Variants in C1QTNF9 observed in about 807,000 individuals in gnomAD.
C1QTNF9 encodes C1q and TNF related 9.
A neutral mutation model predicts 10.1 loss-of-function variants in C1QTNF9; 6 were observed. The ratio of observed to expected loss-of-function variants is 0.59; its 90% CI spans 0.32 to 1.17. The LOEUF (loss-of-function observed/expected upper bound fraction) is 1.17. C1QTNF9 is among the 50% of genes most tolerant of loss of function. The probability of loss-of-function intolerance (pLI) is 0.04; values close to 1 mark genes in which losing one functional copy is unlikely to be tolerated. For missense variants in C1QTNF9, 201 were observed against 418.8 expected, an observed-to-expected ratio of 0.48 and a Z score of 4.54; for synonymous variants, 98 against 163.5, an observed-to-expected ratio of 0.60 and a Z score of 3.06.
chr13:24,317,647 A>G (rs894057322), intron 2 of C1QTNF9, among the ~76,000 whole-genome samples: 10 of 152,144 alleles, frequency 6.6e-5, no homozygotes, highest in Non-Finnish European at 1.5e-4. Context: ...TATACCAAAC[A>G]TATTTTCCAT....
rs551302039 is a variant in C1QTNF9 at position 24,314,004 on chromosome 13, T to C, written c.-22-1978T>C. 4.8e-4 allele frequency among the ~76,000 whole-genome samples: 73 copies of C among 152,312 alleles called. 2 individuals carry two copies. In the South Asian group the frequency reaches 0.015, roughly 31 times the overall value. On this transcript the variant is annotated intron_variant, in intron 1 of 3. Transcript: ENST00000332018. ...ACCTTTCCCCTATTGTTACATAGTA[T>C]GTAGTATGCACGTTTTCACCTGTTA...
chr13:24,321,673 C>T, exon 4 of C1QTNF9: 2 of 1,614,074 alleles, frequency 1.2e-6, no homozygotes, highest in South Asian at 1.1e-5. Flanking sequence ...TGAGGTGTGG[C>T]TGCAGGTGAC....
At chr13:24,316,496 C>T (rs1050751938) in intron 2 of C1QTNF9, among the ~76,000 whole-genome samples, 1 of 152,206 alleles carries the variant, frequency 6.6e-6, no homozygotes, top group South Asian at 2.1e-4. Context: ...GTCATGGATC[C>T]TCCCATCTCA....
chr13:24,311,446 C>T (rs1374828668), intron 1 of C1QTNF9, among the ~76,000 whole-genome samples: 3 of 152,226 alleles, frequency 2.0e-5, no homozygotes, highest in Admixed American at 1.3e-4. Context: ...CAGCATTCTG[C>T]AGAATGATGG....
In C1QTNF9 at chr13:24,316,203, T is replaced by C; in HGVS notation, c.166+34T>C. On this transcript the variant is annotated intron_variant, in intron 2 of 3. Coordinates refer to ENST00000332018, the Ensembl canonical transcript of C1QTNF9. Reference sequence around the variant, plus strand: ...CTGACGGCTTCGGCTGCCTTTCAACTTCTCTCTTCATTCCTTTCATCTCAT... The same window carrying C: ...CTGACGGCTTCGGCTGCCTTTCAACCTCTCTCTTCATTCCTTTCATCTCAT... 5 of 1,508,476 alleles carry C rather than the reference T, an allele frequency of 3.3e-6. 1 individual carries two copies. The highest frequency in any genetic ancestry group is 4.6e-6 in the Non-Finnish European group (5 of 1,095,366). The allele number at this position is 1,508,476 out of a possible 1,614,324, so 93.4% of individuals were successfully genotyped here. A position where few individuals can be genotyped will look rare whatever the true frequency, so the allele number is the denominator to read the frequency against.
intron 1 of C1QTNF9, among the ~76,000 whole-genome samples, chr13:24,310,930 A>G (rs1877797134): frequency 6.8e-6 from 1 of 146,122 alleles, no homozygotes; most frequent in African/African-American, 2.4e-5. Flanking sequence ...AAAAAAAAAA[A>G]AAAGATATGT....
Position 24,321,218 on chromosome 13 carries a change from C to T in C1QTNF9, c.452C>T (p.Pro151Leu), listed in dbSNP as rs774243775. 321 of 1,322,434 alleles carry T rather than the reference C, an allele frequency of 2.4e-4. 2 individuals carry two copies. The East Asian group carries it at 4.8e-3, about 20-fold the overall frequency. The allele number at this position is 1,322,434 out of a possible 1,614,324, so 81.9% of individuals were successfully genotyped here. A position where few individuals can be genotyped will look rare whatever the true frequency, so the allele number is the denominator to read the frequency against. Residue 151 changes from proline to leucine, a missense_variant, in exon 4 of 4, where the codon CCG becomes CTG. Pro to Leu is a moderately conservative substitution (Grantham distance 98). Coordinates refer to ENST00000332018, the Ensembl canonical transcript of C1QTNF9. ...GGGCCTTTGGGCCCAACTGGTTTAC[C>T]GGGCCCCATGGGCCCTATTGGAAAG...
In C1QTNF9 at chr13:24,310,515, T is replaced by C. The variant is rs148193365; in HGVS notation, c.-23+899T>C. On this transcript the variant is annotated intron_variant, in intron 1 of 3. Coordinates refer to ENST00000332018, the Ensembl canonical transcript of C1QTNF9. Reference sequence around the variant, plus strand: ...ATAGATTATTTTGCACAAATTTTAATGTGTACTTTTTTTTCCTGATCAGGT... The same window carrying C: ...ATAGATTATTTTGCACAAATTTTAACGTGTACTTTTTTTTCCTGATCAGGT... 4.0e-3 allele frequency among the ~76,000 whole-genome samples: 612 copies of C among 152,254 alleles called. 4 individuals are homozygous for C. Among genetic ancestry groups the C allele is most frequent in the African/African-American group, 0.014 (567 of 41,540 alleles).
At chr13:24,313,724 A>G (rs1877923958) in intron 1 of C1QTNF9, among the ~76,000 whole-genome samples, 1 of 152,216 alleles carries the variant, frequency 6.6e-6, no homozygotes, top group African/African-American at 2.4e-5. Context: ...CTCTAGAAAT[A>G]TTTGTGTAGG....
upstream of C1QTNF9, among the ~76,000 whole-genome samples, chr13:24,309,306 T>TATATATATATATATATATATA (rs963863876): frequency 9.0e-5 from 12 of 134,074 alleles, 1 homozygote; most frequent in African/African-American, 3.5e-4. Context: ...TATATATATA[T>TATATATATATATATATATATA]ATGAAAGAAA....
At chr13:24,314,218 G>A (rs1428466286) in intron 1 of C1QTNF9, among the ~76,000 whole-genome samples, 21 of 152,020 alleles carry the variant, frequency 1.4e-4, no homozygotes, top group African/African-American at 2.4e-5. Flanking sequence ...GTTGCACTAT[G>A]CCCACGTTTT....
At chr13:24,314,367 GTCTC>G (rs1877948253) in intron 1 of C1QTNF9, among the ~76,000 whole-genome samples, 1 of 149,398 alleles carries the variant, frequency 6.7e-6, no homozygotes, top group African/African-American at 2.5e-5. Context: ...GTGAGACCCA[GTCTC>G]TCCAAAGAAA....
chr13:24,319,711 T>C (rs1042696272), intron 3 of C1QTNF9, among the ~76,000 whole-genome samples: 1 of 152,204 alleles, frequency 6.6e-6, no homozygotes, highest in African/African-American at 2.4e-5. Context: ...AGTTTTTGAC[T>C]TGGTGCATCT....
chr13:24,309,814 A>G (rs1057493222), intron 1 of C1QTNF9, among the ~76,000 whole-genome samples, 198 bp downstream of exon 1: 5 of 152,226 alleles, frequency 3.3e-5, no homozygotes, highest in Admixed American at 3.3e-4. Flanking sequence ...AGATAAAAGC[A>G]GATTTTGAAA....
chr13:24,319,303 C>T (rs1878158532), intron 3 of C1QTNF9, among the ~76,000 whole-genome samples: 1 of 152,158 alleles, frequency 6.6e-6, no homozygotes, highest in African/African-American at 2.4e-5. Context: ...CTTTGGGAGG[C>T]CCAGGTAAGA....
intron 1 of C1QTNF9, 33 bp downstream of exon 1, chr13:24,309,649 C>G (rs1183258546): frequency 1.3e-5 from 2 of 152,088 alleles, no homozygotes; most frequent in African/African-American, 2.4e-5. Flanking sequence ...TCTTTACATT[C>G]AATTTAAGCC....
At chr13:24,320,888 C>T (rs1269551597) in intron 3 of C1QTNF9, 108 bp from the exon 4 acceptor site, 1 of 1,180,286 alleles carries the variant, frequency 8.5e-7, no homozygotes, top group Middle Eastern at 2.5e-4. Context: ...ATATACTGAA[C>T]CTGTGCACTA....
In C1QTNF9 at chr13:24,312,739, A is replaced by G. The variant is rs538860787; in HGVS notation, c.-23+3123A>G. Among the ~76,000 whole-genome samples, 511 of 151,896 alleles carry G rather than the reference A, an allele frequency of 3.4e-3. 2 individuals carry two copies. Among genetic ancestry groups the G allele is most frequent in the African/African-American group, 0.01 (429 of 41,414 alleles). On this transcript the variant is annotated intron_variant, in intron 1 of 3. Coordinates refer to ENST00000332018, the Ensembl canonical transcript of C1QTNF9. ...TGGGAGGCCGAGGTGGGCGAATCAC[A>G]AGGTCAGGAAATCGAGACCATCCTG...
chr13:24,307,510 C>G (rs1239786717), upstream of C1QTNF9, among the ~76,000 whole-genome samples: 1 of 152,258 alleles, frequency 6.6e-6, no homozygotes, highest in Non-Finnish European at 1.5e-5. Flanking sequence ...GCTAAGTCAA[C>G]AGCCCATTGT....
Sources: gnomAD v4.1 joint callset for allele counts (sites outside exome capture counted in the v4.1 genomes callset) on GRCh38, gnomAD v4.1.1 for gene constraint, MANE v1.5 for transcripts, NCBI Gene and HGNC (gene_info 2026-07-23, HGNC 2026-07-21) for gene names.